PARD6B: variants seen among roughly 807,000 people sequenced by gnomAD.
The protein encoded by PARD6B is partitioning defective 6 homolog beta.
A neutral mutation model predicts 10.5 loss-of-function variants in PARD6B; 4 were observed. That is an observed-to-expected ratio of 0.38 (90% CI 0.19 to 0.87). PARD6B has a LOEUF of 0.87. PARD6B is among the 40% of genes least tolerant of loss of function. The probability of loss-of-function intolerance (pLI) is 0.41; values close to 1 mark genes in which losing one functional copy is unlikely to be tolerated. For missense variants in PARD6B, 396 were observed against 470.6 expected (o/e 0.84, Z 1.47); for synonymous variants, 169 against 170.4 (o/e 0.99, Z 0.07).
intron 2 of PARD6B, among the ~76,000 whole-genome samples, chr20:50,747,935 T>C (rs1285986045): frequency 6.6e-6 from 1 of 152,220 alleles, no homozygotes; most frequent in Admixed American, 6.5e-5. Context: ...CTATTGTCTG[T>C]GTCACCACCA....
intron 2 of PARD6B, among the ~76,000 whole-genome samples, chr20:50,742,380 T>A (rs1439172269): frequency 1.3e-5 from 2 of 151,452 alleles, no homozygotes; most frequent in South Asian, 2.1e-4. Context: ...ATTTTATTTT[T>A]TTTGAGACAG....
chr20:50,732,544 C>T (rs1040381947), intron 1 of PARD6B, among the ~76,000 whole-genome samples: 3 of 152,172 alleles, frequency 2.0e-5, no homozygotes, highest in African/African-American at 7.2e-5. Flanking sequence ...ATTTCTAAAT[C>T]TCAAGGCTCA....
chr20:50,746,454 A>G (rs942131243), intron 2 of PARD6B, among the ~76,000 whole-genome samples: 5 of 152,272 alleles, frequency 3.3e-5, no homozygotes, highest in Non-Finnish European at 5.9e-5. Flanking sequence ...AATTTATACA[A>G]GTGGACAGTT....
intron 1 of PARD6B, among the ~76,000 whole-genome samples, chr20:50,732,319 A>G (rs147218978): frequency 6.6e-6 from 1 of 152,298 alleles, no homozygotes; most frequent in East Asian, 1.9e-4. Flanking sequence ...GCCCTTTAAA[A>G]GTTCGCTTTG....
Position 50,751,293 on chromosome 20 carries a change from A to C in PARD6B, c.*805A>C, listed in dbSNP as rs2087607279. The C allele has an allele frequency of 3.1e-6, 3 of 961,450 alleles. No homozygotes were observed. The South Asian group carries it at 1.4e-4, about 46-fold the overall frequency. 59.6% of individuals were successfully genotyped at this position (961,450 alleles called of 1,614,324 possible). A position where few individuals can be genotyped will look rare whatever the true frequency, so the allele number is the denominator to read the frequency against. On this transcript the variant is annotated 3_prime_UTR_variant, in exon 3 of 3. Coordinates refer to ENST00000371610, the MANE Select transcript of PARD6B (RefSeq NM_032521.3). The stretch of plus-strand genomic sequence containing the variant: ...TTTTTGTTTTTTTATGTTCCTTTCT[A>C]ATAAATTGTAACAAATGATGTTCTC...
chr20:50,732,675 TGAA>T (rs1398571223), intron 1 of PARD6B, among the ~76,000 whole-genome samples: 1 of 152,150 alleles, frequency 6.6e-6, no homozygotes, highest in African/African-American at 2.4e-5. Context: ...TTTCTTGAGT[TGAA>T]GAGTTAAAAG....
At chr20:50,740,961 CTT>C (rs869151515) in intron 2 of PARD6B, among the ~76,000 whole-genome samples, 20 of 135,640 alleles carry the variant, frequency 1.5e-4, no homozygotes, top group Non-Finnish European at 1.3e-4. Context: ...GAGCTTGTTT[CTT>C]TTTTTTTTTT....
At chr20:50,740,961 CTTT>C (rs869151515) in intron 2 of PARD6B, among the ~76,000 whole-genome samples, 7 of 135,666 alleles carry the variant, frequency 5.2e-5, no homozygotes, top group Admixed American at 1.5e-4. Context: ...GAGCTTGTTT[CTTT>C]TTTTTTTTTT....
chr20:50,747,489 CTTTTTTTT>C (rs58629233), intron 2 of PARD6B, among the ~76,000 whole-genome samples: 14 of 33,350 alleles, frequency 4.2e-4, no homozygotes, highest in Non-Finnish European at 5.6e-4. Context: ...TTCTTTCTTT[CTTTTTTTT>C]TTTTTTTTTT....
chr20:50,748,269 G>A (rs2087580172), intron 2 of PARD6B, among the ~76,000 whole-genome samples: 2 of 152,252 alleles, frequency 1.3e-5, no homozygotes, highest in Admixed American at 1.3e-4. Flanking sequence ...GCTTGAACCT[G>A]GGAGGCGGGG....
chr20:50,749,791 C>G lies in PARD6B; in HGVS notation c.422C>G (p.Pro141Arg). ...IVISMPQDFRPVSSIIDVDIL... is the reference protein window; with the variant it reads ...IVISMPQDFRRVSSIIDVDIL... ...ATTAGTATGCCCCAAGACTTTAGAC[C>G]TGTGTCTTCTATTATAGACGTGGAT... The change falls in exon 3 of 3, where the codon CCT (proline) becomes CGT (arginine). Residue 141 changes from proline to arginine, a missense_variant. By Grantham distance (103) the Pro-to-Arg change is moderately radical. Transcript: ENST00000371610. 1.2e-6 allele frequency: 2 copies of G among 1,614,190 alleles called. No homozygotes were observed. The highest frequency in any genetic ancestry group is 1.7e-6 in the Non-Finnish European group (2 of 1,180,042).
chr20:50,745,532 C>T (rs1006157112), intron 2 of PARD6B, among the ~76,000 whole-genome samples: 3 of 152,144 alleles, frequency 2.0e-5, no homozygotes, highest in South Asian at 2.1e-4. Flanking sequence ...AACAGGGTCT[C>T]ACCATTGCCC....
At chr20:50,736,449 C>A (rs530501795) in intron 1 of PARD6B, among the ~76,000 whole-genome samples, 1 of 152,124 alleles carries the variant, frequency 6.6e-6, no homozygotes, top group East Asian at 1.9e-4. Flanking sequence ...ATTAGGCAAA[C>A]GTTCGTTTAA....
intron 2 of PARD6B, among the ~76,000 whole-genome samples, chr20:50,744,951 G>T (rs1302914093): frequency 6.6e-6 from 1 of 152,074 alleles, no homozygotes; most frequent in Non-Finnish European, 1.5e-5. Context: ...CTTTTAGATT[G>T]TAAGCACCAC....
chr20:50,738,825 A>G (rs572969157), intron 2 of PARD6B, among the ~76,000 whole-genome samples: 1 of 152,266 alleles, frequency 6.6e-6, no homozygotes, highest in South Asian at 2.1e-4. Flanking sequence ...TTTTTTGTAA[A>G]GACTGGGTCT....
At chr20:50,748,509 C>T (rs2123707815) in intron 2 of PARD6B, among the ~76,000 whole-genome samples, 1 of 152,328 alleles carries the variant, frequency 6.6e-6, no homozygotes, top group Non-Finnish European at 1.5e-5. Context: ...TCAAATATCC[C>T]ACTTCAAGTA....
chr20:50,733,272 T>G (rs934642043), intron 1 of PARD6B, among the ~76,000 whole-genome samples: 4 of 151,896 alleles, frequency 2.6e-5, no homozygotes, highest in African/African-American at 4.8e-5. Context: ...ATACAAAAAA[T>G]TTTTAGCCGG....
chr20:50,750,164 C>A lies in PARD6B; in HGVS notation c.795C>A (p.Ser265=), dbSNP rs1272280839. Residue 265 remains serine (S), a synonymous_variant, in exon 3 of 3, where the codon TCC becomes TCA. Transcript: ENST00000371610. ...GGAACAGTCGGACTTCTGGCAGTTC[C>A]GGTCAGTCTACTGATAACAGCCTTC... ...VVRNSRTSGS[S]GQSTDNSLLG... 1 of 1,614,104 alleles carries A rather than the reference C, an allele frequency of 6.2e-7. No individual in the cohort carries two copies. Among genetic ancestry groups the A allele is most frequent in the African/African-American group, 1.3e-5 (1 of 74,928 alleles).
intron 1 of PARD6B, among the ~76,000 whole-genome samples, chr20:50,736,122 A>G (rs184692481): frequency 6.2e-4 from 95 of 152,240 alleles, no homozygotes; most frequent in African/African-American, 2.2e-3. Flanking sequence ...AACTATTTTA[A>G]TTTTTGTTAG....
Sources: gnomAD v4.1 joint callset for allele counts (sites outside exome capture counted in the v4.1 genomes callset) on GRCh38, gnomAD v4.1.1 for gene constraint, MANE v1.5 for transcripts, NCBI Gene and HGNC (gene_info 2026-07-23, HGNC 2026-07-21) for gene names.